TUBA4B: variants seen among roughly 807,000 people sequenced by gnomAD.
TUBA4B encodes tubulin-like protein alpha-4B.
A neutral mutation model predicts 18.4 loss-of-function variants in TUBA4B; 13 were observed. The ratio of observed to expected loss-of-function variants is 0.71; its 90% CI spans 0.46 to 1.12. TUBA4B has a LOEUF of 1.12. TUBA4B is among the 50% of genes most tolerant of loss of function. The pLI, the probability that TUBA4B is intolerant of heterozygous loss-of-function variation, is 0.00. For missense variants in TUBA4B, 244 were observed against 250.0 expected (o/e 0.98, Z 0.16); for synonymous variants, 101 against 99.1 (o/e 1.02, Z -0.11).
At chr2:219,253,957 GGGGC>G in intron 1 of TUBA4B, 1 of 1,174,612 alleles carries the variant, frequency 8.5e-7, no homozygotes, top group Non-Finnish European at 1.1e-6. Flanking sequence ...AGGCGGGGGG[GGGGC>G]GGGGCCCGCG....
chr2:219,254,199 C>T, intron 1 of TUBA4B: 2 of 263,974 alleles, frequency 7.6e-6, no homozygotes, highest in Non-Finnish European at 7.2e-6. Context: ...ATGCAGGGTG[C>T]TGTGGCAGGG....
chr2:219,269,253 T>C (rs908198135), intron 2 of TUBA4B, among the ~76,000 whole-genome samples: 1 of 152,158 alleles, frequency 6.6e-6, no homozygotes, highest in African/African-American at 2.4e-5. Flanking sequence ...TTGTACTATT[T>C]TCCCTTGCTT....
chr2:219,260,241 T>C lies in TUBA4B; in HGVS notation c.13-6280T>C, dbSNP rs1951751802. On this transcript the variant is annotated intron_variant, in intron 1 of 3. Transcript: ENST00000490341. Reference sequence around the variant, plus strand: ...TCCCTGAAGGAGCAATTGTTGAAGCTTGGTGATGAATATATGAGGTTTTAT... The same window carrying C: ...TCCCTGAAGGAGCAATTGTTGAAGCCTGGTGATGAATATATGAGGTTTTAT... 2.0e-5 allele frequency among the ~76,000 whole-genome samples: 3 copies of C among 152,268 alleles called. No homozygotes were observed. In the South Asian group the frequency reaches 6.2e-4, roughly 32 times the overall value.
intron 3 of TUBA4B, 86 bp from the exon 4 acceptor site, chr2:219,271,080 G>C: frequency 1.6e-6 from 1 of 619,506 alleles, no homozygotes; most frequent in South Asian, 1.9e-5. Flanking sequence ...TGAAACTTTT[G>C]GGAATTTAAA....
chr2:219,270,186 G>C lies in TUBA4B; in HGVS notation c.59-16G>C. 1 of 729,604 alleles carries C rather than the reference G, an allele frequency of 1.4e-6. No homozygotes were observed. The highest frequency in any genetic ancestry group is 2.5e-6 in the Non-Finnish European group (1 of 395,988). The allele number at this position is 729,604 out of a possible 1,614,324, so 45.2% of individuals were successfully genotyped here. ...GGGGCCCAAAACTCTGCCCACTGCA[G>C]ATGAACTTTGAACAGGCACATACCG... is the stretch of plus-strand genomic sequence containing the variant. On this transcript the variant is annotated splice_polypyrimidine_tract_variant and intron_variant, in intron 2 of 3. Transcript: ENST00000490341.
chr2:219,266,655 CCACATGGTGATGGGGCTA>C, intron 2 of TUBA4B, 89 bp downstream of exon 2: 1 of 686,312 alleles, frequency 1.5e-6, no homozygotes. Context: ...CCTTGGGAGT[CCACATGGTGATGGGGCTA>C]CAGTATGTGG....
intron 2 of TUBA4B, 80 bp downstream of exon 2, chr2:219,266,646 C>CA: frequency 1.4e-6 from 1 of 691,476 alleles, no homozygotes. Context: ...GTGAAGGTAC[C>CA]TTGGGAGTCC....
Position 219,271,925 on chromosome 2 carries a change from C to G in TUBA4B, c.*226C>G. ...TGCAACGTGCCATGTGCATGCTGAG[C>G]AACATGACAGCCATCACTATGGCCT... On this transcript the variant is annotated 3_prime_UTR_variant, in exon 4 of 4. Transcript: ENST00000490341. 1 of 1,451,974 alleles carries G rather than the reference C, an allele frequency of 6.9e-7. No homozygotes were observed. Among genetic ancestry groups the G allele is most frequent in the Non-Finnish European group, 9.7e-7 (1 of 1,032,590 alleles). The allele number at this position is 1,451,974 out of a possible 1,614,324, so 89.9% of individuals were successfully genotyped here.
In TUBA4B at chr2:219,266,328, C is replaced by G. The variant is rs890979479; in HGVS notation, c.13-193C>G. On this transcript the variant is annotated intron_variant, in intron 1 of 3. Coordinates refer to ENST00000490341, the MANE Select transcript of TUBA4B (RefSeq NM_001355221.1). ...CTAGCCCTGGCCCCTCCTCTGCCCA[C>G]CTCAGCTGGCTCCCCTGTTTGGGTG... 4 of 572,964 alleles carry G rather than the reference C, an allele frequency of 7.0e-6. No individual in the cohort carries two copies. The South Asian group carries it at 8.7e-5, about 12-fold the overall frequency. The allele number at this position is 572,964 out of a possible 1,614,324, so 35.5% of individuals were successfully genotyped here. A position where few individuals can be genotyped will look rare whatever the true frequency, so the allele number is the denominator to read the frequency against.
chr2:219,263,233 C>T (rs1453128078), intron 1 of TUBA4B, among the ~76,000 whole-genome samples: 2 of 151,774 alleles, frequency 1.3e-5, no homozygotes, highest in African/African-American at 4.8e-5. Context: ...TGCCTCACAC[C>T]TATAATCCCA....
At chr2:219,254,124 C>A (rs1316916071) in intron 1 of TUBA4B, 3 of 397,552 alleles carry the variant, frequency 7.5e-6, no homozygotes, top group Admixed American at 4.3e-5. Context: ...AGTCGCGATT[C>A]GGGCTTTAAC....
intron 1 of TUBA4B, among the ~76,000 whole-genome samples, chr2:219,265,437 GA>G (rs1951784152): frequency 6.6e-6 from 1 of 152,200 alleles, no homozygotes; most frequent in African/African-American, 2.4e-5. Flanking sequence ...AGGAGTTTGA[GA>G]CCAGCCTGGC....
At chr2:219,259,433 C>T (rs906194815) in intron 1 of TUBA4B, among the ~76,000 whole-genome samples, 11 of 150,962 alleles carry the variant, frequency 7.3e-5, no homozygotes, top group Middle Eastern at 3.4e-3. Context: ...AGGATGTATA[C>T]AGATCTCCAG....
intron 1 of TUBA4B, among the ~76,000 whole-genome samples, chr2:219,261,541 C>G (rs780925285): frequency 7.2e-5 from 11 of 152,218 alleles, no homozygotes; most frequent in Non-Finnish European, 1.2e-4. Context: ...AAAATCAGGA[C>G]CTTGCTAGTG....
chr2:219,270,250 A>T lies in TUBA4B; in HGVS notation c.107A>T (p.Glu36Val). 1.3e-6 allele frequency: 1 copy of T among 770,192 alleles called. No homozygotes were observed. The highest frequency in any genetic ancestry group is 2.4e-6 in the Non-Finnish European group (1 of 414,478). The allele number at this position is 770,192 out of a possible 1,614,324, so 47.7% of individuals were successfully genotyped here. The change falls in exon 3 of 4, where the codon GAA becomes GTA. Residue 36 changes from glutamate to valine, a missense_variant. Physicochemically the swap from Glu to Val is moderately radical, Grantham distance 121 (BLOSUM62 -2). Transcript: ENST00000490341. ...FHPEQLITGKEDAANNYAWGH... is the reference protein window; with the variant it reads ...FHPEQLITGKVDAANNYAWGH... ...CCAGAGCAGCTCATCACAGGCAAGGAAGATGCTGCCAATAACTATGCCTGG... is the reference window on the plus strand; with the variant it reads ...CCAGAGCAGCTCATCACAGGCAAGGTAGATGCTGCCAATAACTATGCCTGG...
rs886525782 is a variant in TUBA4B, at chr2:219,253,382, G to T, written c.-26G>T. The T allele has an allele frequency of 1.2e-5, 18 of 1,535,220 alleles. No homozygotes were observed. In the African/African-American group the frequency reaches 2.1e-4, roughly 18 times the overall value. ...GGGGGGGGTGGTTCTGTGGATAGTT[G>T]GAATGCATACACAGAGGAAAGGGGG... On this transcript the variant is annotated 5_prime_UTR_variant, in exon 1 of 4. Transcript: ENST00000490341.
At chr2:219,260,173 A>T (rs1247870441) in intron 1 of TUBA4B, among the ~76,000 whole-genome samples, 1 of 151,724 alleles carries the variant, frequency 6.6e-6, no homozygotes, top group Non-Finnish European at 1.5e-5. Context: ...GATGTTCCCC[A>T]TAGCCCAGTC....
chr2:219,255,120 A>T (rs916789538), intron 1 of TUBA4B, among the ~76,000 whole-genome samples: 3 of 152,008 alleles, frequency 2.0e-5, no homozygotes, highest in Non-Finnish European at 4.4e-5. Flanking sequence ...GTGCAATCTC[A>T]GCTCATTGCA....
chr2:219,271,803 G>C lies in TUBA4B; in HGVS notation c.*104G>C. The C allele has an allele frequency of 6.2e-7, 1 of 1,602,962 alleles. No homozygotes were observed. The highest frequency in any genetic ancestry group is 8.5e-7 in the Non-Finnish European group (1 of 1,169,800). ...CTGCCATTGCTGCCATCAAGACCAA[G>C]TGCAGCATTCAGTTTGTGGACTGGT... On this transcript the variant is annotated 3_prime_UTR_variant, in exon 4 of 4. Transcript: ENST00000490341.
Sources: gnomAD v4.1 joint callset for allele counts (sites outside exome capture counted in the v4.1 genomes callset) on GRCh38, gnomAD v4.1.1 for gene constraint, MANE v1.5 for transcripts, NCBI Gene and HGNC (gene_info 2026-07-23, HGNC 2026-07-21) for gene names.